The following ELAVL3 variants were observed in gnomAD, a reference collection of about 807,000 sequenced individuals.
ELAVL3 encodes the protein ELAV like RNA binding protein 3, also known as ELAV-like protein 3.
ELAVL3 carries 8 observed loss-of-function variants against 34.2 expected under a neutral mutation model. The observed-to-expected ratio is 0.23, with a 90% confidence interval of 0.14 to 0.42. The LOEUF is 0.42. ELAVL3 is among the 10% of genes least tolerant of loss of function. ELAVL3 has a pLI of 1.00. For missense variants in ELAVL3, 273 were observed against 518.8 expected, an observed-to-expected ratio of 0.53 and a Z score of 4.60; for synonymous variants, 209 against 222.1, an observed-to-expected ratio of 0.94 and a Z score of 0.53.
At chr19:11,467,763 C>T (rs1312366032) in intron 1 of ELAVL3, among the ~76,000 whole-genome samples, 4 of 150,002 alleles carry the variant, frequency 2.7e-5, no homozygotes, top group Non-Finnish European at 5.9e-5. Flanking sequence ...GGATTACAGG[C>T]GTGAACCACC....
chr19:11,465,796 C>T (rs1174984475), intron 3 of ELAVL3, among the ~76,000 whole-genome samples: 1 of 152,098 alleles, frequency 6.6e-6, no homozygotes, highest in Non-Finnish European at 1.5e-5. Flanking sequence ...GCCCCAATCC[C>T]GCCCTCCCAG....
rs555658788 is a variant in ELAVL3, at chr19:11,475,758, C to T, written c.9+4842G>A. 1.7e-3 allele frequency among the ~76,000 whole-genome samples: 262 copies of T among 152,086 alleles called. 1 individual carries two copies. Among genetic ancestry groups the T allele is most frequent in the African/African-American group, 6.0e-3 (250 of 41,494 alleles). On this transcript the variant is annotated intron_variant, in intron 1 of 6. Transcript: ENST00000359227. ...CCTCCGAAGTAGCTGGGACCACAGG[C>T]GCGCACCACCATGCACAGTGAATTT...
Position 11,458,477 on chromosome 19 carries a change from G to T in ELAVL3, c.468C>A (p.Ile156=). The part of the protein sequence containing the change: ...SQYGRIITSR[I]LVDQVTGVSR... ...CCTGACCTGTGACCTGGTCCACCAGGATGCGGGACGTGATGATGCGGCCGT... is the reference window on the plus strand; with the variant it reads ...CCTGACCTGTGACCTGGTCCACCAGTATGCGGGACGTGATGATGCGGCCGT... The change falls in exon 4 of 7, where the codon ATC becomes ATA. Residue 156 remains isoleucine (I), a synonymous_variant. Coordinates refer to ENST00000359227, the MANE Select transcript of ELAVL3 (RefSeq NM_001420.4). This position sits in a 1 kb window ranked among gnomAD's most constrained non-coding sequence, Gnocchi z 7.3. 1 of 1,614,134 alleles carries T rather than the reference G, an allele frequency of 6.2e-7. No individual in the cohort carries two copies.
intron 5 of ELAVL3, among the ~76,000 whole-genome samples, chr19:11,457,735 A>C (rs1970800206): frequency 6.6e-6 from 1 of 152,202 alleles, no homozygotes; most frequent in South Asian, 2.1e-4. Context: ...CACAGCAAAG[A>C]CTCATGAAAT....
chr19:11,464,934 TACACACACC>T (rs1281100049), intron 3 of ELAVL3, among the ~76,000 whole-genome samples: 12 of 45,368 alleles, frequency 2.6e-4, no homozygotes, highest in South Asian at 7.1e-4. Flanking sequence ...ACCACACATA[TACACACACC>T]ACACACACCA....
chr19:11,454,804 A>ACAGGCCCACGCCCGC lies in ELAVL3; in HGVS notation c.811_825dup (p.Ala271_Leu275dup). The ACAGGCCCACGCCCGC allele has an allele frequency of 6.2e-7, 1 of 1,612,284 alleles. No individual in the cohort carries two copies. The highest frequency in any genetic ancestry group is 1.1e-5 in the South Asian group (1 of 91,014). ...CAGCCGGCGCCCGCCGCGCCCCCCG[A>ACAGGCCCACGCCCGC]CAGGCCCACGCCCGCCAGGCCGCTC... On this transcript the variant is annotated inframe_insertion, in exon 7 of 7. Coordinates refer to ENST00000359227, the MANE Select transcript of ELAVL3 (RefSeq NM_001420.4). This position sits in a 1 kb window ranked among gnomAD's most constrained non-coding sequence, Gnocchi z 9.2.
At chr19:11,473,131 C>T (rs1159827350) in intron 1 of ELAVL3, among the ~76,000 whole-genome samples, 4 of 151,270 alleles carry the variant, frequency 2.6e-5, no homozygotes, top group Non-Finnish European at 2.9e-5. Flanking sequence ...TTTGGGAGGC[C>T]GAGGCGTGTG....
intron 1 of ELAVL3, among the ~76,000 whole-genome samples, chr19:11,468,662 G>C (rs1971104112): frequency 6.6e-6 from 1 of 151,838 alleles, no homozygotes; most frequent in Non-Finnish European, 1.5e-5. Context: ...TGCTGACCTC[G>C]TGATCTGCCT....
chr19:11,455,324 G>A (rs311795), intron 6 of ELAVL3, among the ~76,000 whole-genome samples: 19,431 of 142,792 alleles, frequency 0.14, 1,362 homozygotes, highest in Middle Eastern at 0.17. Context: ...TTTCTGAGAC[G>A]GGGTCTTGCT....
At chr19:11,479,032 G>A (rs1052997081) in intron 1 of ELAVL3, among the ~76,000 whole-genome samples, 6 of 152,154 alleles carry the variant, frequency 3.9e-5, no homozygotes, top group Non-Finnish European at 7.4e-5. Flanking sequence ...CCCAGGGCTC[G>A]CTCACTGGAG....
chr19:11,465,082 G>GAC (rs1291052303), intron 3 of ELAVL3, among the ~76,000 whole-genome samples: 1 of 26,500 alleles, frequency 3.8e-5, no homozygotes, highest in East Asian at 1.4e-3. Flanking sequence ...ACCCCACACA[G>GAC]ACACACACAC....
At chr19:11,463,197 C>A (rs1182481192) in intron 3 of ELAVL3, among the ~76,000 whole-genome samples, 1 of 152,036 alleles carries the variant, frequency 6.6e-6, no homozygotes, top group Non-Finnish European at 1.5e-5. Flanking sequence ...ACATGGGTTT[C>A]CCAAGGGCAA....
chr19:11,457,934 T>TA, intron 5 of ELAVL3, 127 bp downstream of exon 5: 1 of 979,410 alleles, frequency 1.0e-6, no homozygotes. Flanking sequence ...ACCTGACAGA[T>TA]AGGCTCCTTG....
chr19:11,458,017 T>TG lies in ELAVL3; in HGVS notation c.713+43dup. The TG allele has an allele frequency of 6.3e-7, 1 of 1,588,202 alleles. No individual in the cohort carries two copies. ...TGGGGTTCAGGGAGGGTTGCAAGCTTGGGGGCACCCGGCCTGGGGCCATCT... is the reference window on the plus strand; with the variant it reads ...TGGGGTTCAGGGAGGGTTGCAAGCTTGGGGGGCACCCGGCCTGGGGCCATCT... On this transcript the variant is annotated intron_variant, in intron 5 of 6. Coordinates refer to ENST00000359227, the MANE Select transcript of ELAVL3 (RefSeq NM_001420.4). The surrounding 1 kb of genome is among the most constrained non-coding windows in gnomAD (Gnocchi z 7.3).
At chr19:11,464,143 C>CTATA (rs1568381954) in intron 3 of ELAVL3, among the ~76,000 whole-genome samples, 1 of 108,878 alleles carries the variant, frequency 9.2e-6, no homozygotes, top group African/African-American at 5.1e-5. Flanking sequence ...CTCTCTCTCT[C>CTATA]TCTCTCTCTA....
At chr19:11,462,187 A>AAG (rs1970901785) in intron 3 of ELAVL3, among the ~76,000 whole-genome samples, 1 of 151,852 alleles carries the variant, frequency 6.6e-6, no homozygotes, top group South Asian at 2.1e-4. Flanking sequence ...AAAAAAAAAA[A>AAG]AAAAAGAAAT....
intron 5 of ELAVL3, 139 bp from the exon 6 acceptor site, chr19:11,457,287 C>A (rs952377205): frequency 1.1e-6 from 1 of 910,114 alleles, no homozygotes; most frequent in African/African-American, 1.8e-5. Flanking sequence ...CCCGCCCGCC[C>A]GGCTAGACAC....
Position 11,466,466 on chromosome 19 carries a change from C to T in ELAVL3, c.229+142G>A. On this transcript the variant is annotated intron_variant, in intron 2 of 6. Transcript: ENST00000359227. The surrounding 1 kb of genome is among the most constrained non-coding windows in gnomAD (Gnocchi z 5.0). ...CTTCACCTAGGGGGTATACCCATCT[C>T]CCCATCAGACCTCACATCCCTAGAC... 9.5e-7 allele frequency: 1 copy of T among 1,056,578 alleles called. No homozygotes were observed. Among genetic ancestry groups the T allele is most frequent in the Non-Finnish European group, 1.4e-6 (1 of 711,364 alleles). The allele number at this position is 1,056,578 out of a possible 1,614,324, so 65.5% of individuals were successfully genotyped here.
At position 11,451,545 on chromosome 19, in the gene ELAVL3, C is replaced by CT. The variant is rs1970633712; in HGVS notation, c.*2980dup. The CT allele has an allele frequency of 8.4e-6, 1 of 118,428 alleles. No homozygotes were observed. The highest frequency in any genetic ancestry group is 1.2e-4 in the Admixed American group (1 of 8,598). The allele number at this position is 118,428 out of a possible 1,614,324, so 7.3% of individuals were successfully genotyped here. A position where few individuals can be genotyped will look rare whatever the true frequency, so the allele number is the denominator to read the frequency against. ...TTTTTTATCACCTCCAACATGGACT[C>CT]TGTCGTGATTTGAAACCTTCCGAAT... On this transcript the variant is annotated 3_prime_UTR_variant, in exon 7 of 7. Transcript: ENST00000359227.
Sources: allele counts gnomAD v4.1 joint callset (sites outside exome capture counted in the v4.1 genomes callset), GRCh38; gene constraint gnomAD v4.1.1; non-coding constraint Gnocchi (gnomAD v3.1); transcripts MANE v1.5; gene names NCBI Gene and HGNC (gene_info 2026-07-23, HGNC 2026-07-21).